The following PTPRD variants were observed in gnomAD, a reference collection of about 807,000 sequenced individuals.
PTPRD encodes the protein protein tyrosine phosphatase receptor type D.
Under a neutral mutation model 214.5 loss-of-function variants are expected in PTPRD, and 34 were observed. The ratio of observed to expected loss-of-function variants is 0.16; its 90% CI spans 0.12 to 0.21. The LOEUF is 0.21. Among genes scored for constraint, PTPRD ranks in the 10% least tolerant of loss-of-function variants. The pLI is 1.00. For synonymous variants in PTPRD, 1,128 were observed against 845.7 expected (o/e 1.33, Z -5.79); for missense variants, 2,545 against 2,398.7 (o/e 1.06, Z -1.27).
chr9:9,183,191 T>C (rs2099929253), intron 10 of PTPRD, 113 bp downstream of exon 10: 1 of 152,006 alleles, frequency 6.6e-6, no homozygotes, highest in Non-Finnish European at 1.5e-5. Flanking sequence ...TTGAGTATTT[T>C]ATCCATCCAT....
chr9:10,488,698 C>G (rs570657082), intron 2 of PTPRD, among the ~76,000 whole-genome samples: 1 of 152,280 alleles, frequency 6.6e-6, no homozygotes. Context: ...CTCTTCCCTC[C>G]CCTTTCCAAA....
At chr9:8,722,890 A>T (rs538606072) in intron 12 of PTPRD, among the ~76,000 whole-genome samples, 1 of 152,236 alleles carries the variant, frequency 6.6e-6, no homozygotes, top group East Asian at 1.9e-4. Flanking sequence ...TTGCAAGTCT[A>T]TATCGGCTGG....
chr9:8,598,322 T>A (rs1241447985), intron 14 of PTPRD, among the ~76,000 whole-genome samples: 1 of 151,956 alleles, frequency 6.6e-6, no homozygotes, highest in East Asian at 1.9e-4. Context: ...TATGGTGGCA[T>A]GCTCCTTTGG....
chr9:9,610,214 G>A (rs1351913064), intron 7 of PTPRD, among the ~76,000 whole-genome samples: 2 of 152,082 alleles, frequency 1.3e-5, no homozygotes, highest in African/African-American at 4.8e-5. Flanking sequence ...ATGAAAATGA[G>A]GATAATTACC....
intron 10 of PTPRD, among the ~76,000 whole-genome samples, chr9:9,056,317 T>C (rs987749419): frequency 1.3e-5 from 2 of 152,154 alleles, no homozygotes; most frequent in Non-Finnish European, 1.5e-5. Context: ...ACATAAAACA[T>C]CTTAACCTGC....
At chr9:10,153,319 A>T (rs2099073312) in intron 3 of PTPRD, among the ~76,000 whole-genome samples, 1 of 151,766 alleles carries the variant, frequency 6.6e-6, no homozygotes, top group Non-Finnish European at 1.5e-5. Context: ...ATTTTTAAAA[A>T]TGTATTTTAA....
chr9:8,318,637 C>A (rs1824013562), intron 45 of PTPRD, among the ~76,000 whole-genome samples: 2 of 151,978 alleles, frequency 1.3e-5, no homozygotes, highest in African/African-American at 2.4e-5. Flanking sequence ...AAAATGGCTT[C>A]ACAGGACTGG....
rs72706298 is a variant in PTPRD at position 8,946,009 on chromosome 9, C to T, written c.-104+72688G>A. Among the ~76,000 whole-genome samples the T allele has an allele frequency of 5.3e-3, 806 of 152,258 alleles. 2 individuals are homozygous for T. The highest frequency in any genetic ancestry group is 0.011 in the African/African-American group (441 of 41,546). ...GTTCCCCTAGGAAAGTCCTCCTAAG[C>T]CATGTTACTCTTGTAGAAAGAGCAT... On this transcript the variant is annotated intron_variant, in intron 11 of 45. Transcript: ENST00000381196.
chr9:8,516,060 C>A (rs1443096255), intron 21 of PTPRD, among the ~76,000 whole-genome samples: 1 of 152,156 alleles, frequency 6.6e-6, no homozygotes, highest in African/African-American at 2.4e-5. Context: ...TTAAAAAGCT[C>A]AAAGTGGAAT....
intron 7 of PTPRD, among the ~76,000 whole-genome samples, chr9:9,702,676 T>C (rs1231451128): frequency 2.0e-5 from 3 of 152,148 alleles, no homozygotes; most frequent in African/African-American, 7.2e-5. Flanking sequence ...AGACTGCTTA[T>C]GGAGGAAAAG....
At chr9:9,243,510 C>T (rs2099971450) in intron 9 of PTPRD, among the ~76,000 whole-genome samples, 1 of 152,112 alleles carries the variant, frequency 6.6e-6, no homozygotes, top group South Asian at 2.1e-4. Flanking sequence ...AAACGTAATC[C>T]AGCATATAAA....
chr9:9,044,983 C>G (rs903405777), intron 10 of PTPRD, among the ~76,000 whole-genome samples: 1 of 152,112 alleles, frequency 6.6e-6, no homozygotes, highest in African/African-American at 2.4e-5. Flanking sequence ...AGATAATCAA[C>G]AGAAACAAGA....
chr9:10,029,191 C>T (rs1224377518), intron 4 of PTPRD, among the ~76,000 whole-genome samples: 3 of 152,148 alleles, frequency 2.0e-5, no homozygotes, highest in Admixed American at 2.0e-4. Flanking sequence ...TACAGAAATA[C>T]CTGGATGTCC....
At chr9:9,100,887 T>G (rs1460673164) in intron 10 of PTPRD, among the ~76,000 whole-genome samples, 5 of 152,168 alleles carry the variant, frequency 3.3e-5, no homozygotes, top group African/African-American at 1.2e-4. Context: ...TCATACTGTG[T>G]GTATAATCAT....
In PTPRD at chr9:8,317,693, A is replaced by G; in HGVS notation, c.*181T>C. The G allele has an allele frequency of 2.0e-6, 1 of 507,184 alleles. No individual in the cohort carries two copies. Among genetic ancestry groups the G allele is most frequent in the Admixed American group, 3.0e-5 (1 of 33,586 alleles). The allele number at this position is 507,184 out of a possible 1,614,324, so 31.4% of individuals were successfully genotyped here. The stretch of plus-strand genomic sequence containing the variant: ...ATTATTTTTCAGGTTAGATTATTAA[A>G]CTGTGAATTCTTGGTCCACCTGGAA... On this transcript the variant is annotated 3_prime_UTR_variant, in exon 46 of 46. Transcript: ENST00000381196.
In PTPRD at chr9:9,344,150, C is replaced by T. The variant is rs77352926; in HGVS notation, c.-203+53299G>A. 4.5e-3 allele frequency among the ~76,000 whole-genome samples: 682 copies of T among 152,168 alleles called. 8 individuals are homozygous for T. The highest frequency in any genetic ancestry group is 0.015 in the African/African-American group (634 of 41,536). On this transcript the variant is annotated intron_variant, in intron 9 of 45. Transcript: ENST00000381196. The stretch of plus-strand genomic sequence containing the variant: ...TGACAACTTACACTAAGAAAGTTAA[C>T]TCATCTTTTTGTTCAAGTCCCTTGC...
rs1180541248 is a variant in PTPRD at position 8,733,949 on chromosome 9, G to C, written c.-103-3C>G. The C allele has an allele frequency of 8.9e-7, 1 of 1,124,648 alleles. No individual in the cohort carries two copies. Among genetic ancestry groups the C allele is most frequent in the Non-Finnish European group, 1.3e-6 (1 of 773,528 alleles). The allele number at this position is 1,124,648 out of a possible 1,614,324, so 69.7% of individuals were successfully genotyped here. ...TTCAGCTGGAACACTTTCAGAGCCTGAAAGCGGGGAGGAAGAGAAAAGAAA... is the reference window on the plus strand; with the variant it reads ...TTCAGCTGGAACACTTTCAGAGCCTCAAAGCGGGGAGGAAGAGAAAAGAAA... On this transcript the variant is annotated splice_polypyrimidine_tract_variant and splice_region_variant and intron_variant, in intron 11 of 45. Coordinates refer to ENST00000381196, the MANE Select transcript of PTPRD (RefSeq NM_002839.4).
chr9:10,008,861 TG>T (rs2096541871), intron 4 of PTPRD, among the ~76,000 whole-genome samples: 1 of 151,980 alleles, frequency 6.6e-6, no homozygotes, highest in African/African-American at 2.4e-5. Context: ...CACTTGCCTC[TG>T]GTGAAAAATC....
At chr9:9,303,539 C>A (rs1956177525) in intron 9 of PTPRD, among the ~76,000 whole-genome samples, 2 of 152,048 alleles carry the variant, frequency 1.3e-5, no homozygotes, top group Non-Finnish European at 2.9e-5. Context: ...AGCTATCTTA[C>A]AAAATGATGA....
Sources: allele counts gnomAD v4.1 joint callset (sites outside exome capture counted in the v4.1 genomes callset), GRCh38; gene constraint gnomAD v4.1.1; transcripts MANE v1.5; gene names NCBI Gene and HGNC (gene_info 2026-07-23, HGNC 2026-07-21).